The following ACTN2 variants were observed in gnomAD, a reference collection of about 807,000 sequenced individuals.
ACTN2 encodes alpha-actinin-2.
A neutral mutation model predicts 113.8 loss-of-function variants in ACTN2; 39 were observed. The observed-to-expected ratio is 0.34, with a 90% CI of 0.27 to 0.45. The LOEUF is 0.45. ACTN2 is among the 20% of genes least tolerant of loss of function. The pLI is 1.00. For synonymous variants in ACTN2, 429 were observed against 444.1 expected (o/e 0.97, Z 0.43); for missense variants, 992 against 1,177.9 (o/e 0.84, Z 2.31).
chr1:236,752,026 A>G (rs572426292), intron 15 of ACTN2, among the ~76,000 whole-genome samples: 1 of 152,330 alleles, frequency 6.6e-6, no homozygotes, highest in Non-Finnish European at 1.5e-5. Flanking sequence ...AGAATATGAT[A>G]TAGACATGTC....
At chr1:236,688,298 A>C (rs185772060) in intron 1 of ACTN2, among the ~76,000 whole-genome samples, 85 of 152,120 alleles carry the variant, frequency 5.6e-4, no homozygotes, top group Admixed American at 5.6e-3. Context: ...GAGGAATTGT[A>C]AAATAGCTAA....
Position 236,760,892 on chromosome 1 carries a change from C to T in ACTN2, c.2368-123C>T, listed in dbSNP as rs1015285389. 3.4e-5 allele frequency: 42 copies of T among 1,250,754 alleles called. 1 individual carries two copies. The highest frequency in any genetic ancestry group is 8.9e-5 in the African/African-American group (6 of 67,592). The allele number at this position is 1,250,754 out of a possible 1,614,324, so 77.5% of individuals were successfully genotyped here. The stretch of plus-strand genomic sequence containing the variant: ...ATCTTGTCCAAAGACTGAAGGGAAA[C>T]GCAGGTAATAATTCAGTTTTCAGAC... On this transcript the variant is annotated intron_variant, in intron 19 of 20. Transcript: ENST00000366578.
At chr1:236,753,237 T>C (rs905881661) in intron 15 of ACTN2, among the ~76,000 whole-genome samples, 1 of 152,210 alleles carries the variant, frequency 6.6e-6, no homozygotes. Flanking sequence ...CTTATAAAAA[T>C]ATTTAATATT....
rs1659768579 is a variant in ACTN2, at chr1:236,763,512, C to G, written c.*893C>G. ...TTCTGTAGTACTGACTGGTTCATCA[C>G]AAGGCAAGTCAGAAACCAGTATCCT... On this transcript the variant is annotated 3_prime_UTR_variant, in exon 21 of 21. Coordinates refer to ENST00000366578, the MANE Select transcript of ACTN2 (RefSeq NM_001103.4). 1 of 152,298 alleles carries G rather than the reference C, an allele frequency of 6.6e-6. No individual in the cohort carries two copies. Among genetic ancestry groups the G allele is most frequent in the African/African-American group, 2.4e-5 (1 of 41,544 alleles). 9.4% of individuals were successfully genotyped at this position (152,298 alleles called of 1,614,324 possible).
chr1:236,716,096 CTTCTT>C (rs757617853), intron 1 of ACTN2, among the ~76,000 whole-genome samples: 41 of 126,602 alleles, frequency 3.2e-4, no homozygotes, highest in Admixed American at 8.9e-4. Context: ...ATCCCTTCTT[CTTCTT>C]TTTTTTTTTT....
At chr1:236,719,835 A>G (rs1658330587) in intron 3 of ACTN2, among the ~76,000 whole-genome samples, 1 of 152,032 alleles carries the variant, frequency 6.6e-6, no homozygotes. Flanking sequence ...ACATCTTAAA[A>G]CTTTGGAAAC....
Position 236,751,619 on chromosome 1 carries a change from C to T in ACTN2, c.1806C>T (p.Val602=). ...GCTCAAGCAACCCGTACAGCACTGT[C>T]ACCATGGATGAGCTCCGGACCAAGT... ...RISSSNPYST[V]TMDELRTKWD... Residue 602 remains valine (V), a synonymous_variant, in exon 15 of 21, where the codon GTC becomes GTT. Coordinates refer to ENST00000366578, the MANE Select transcript of ACTN2 (RefSeq NM_001103.4). 1 of 1,613,982 alleles carries T rather than the reference C, an allele frequency of 6.2e-7. No individual in the cohort carries two copies.
intron 1 of ACTN2, among the ~76,000 whole-genome samples, chr1:236,699,845 G>A (rs1230758782): frequency 3.6e-4 from 55 of 152,286 alleles, no homozygotes; most frequent in Non-Finnish European, 4.4e-5. Flanking sequence ...GAAAAACCAA[G>A]CTTCATGAAT....
intron 11 of ACTN2, among the ~76,000 whole-genome samples, chr1:236,744,395 T>C (rs1365210105): frequency 6.6e-6 from 1 of 152,200 alleles, no homozygotes; most frequent in Non-Finnish European, 1.5e-5. Context: ...CATGCTCTCC[T>C]TTCCCCTTTA....
chr1:236,734,390 G>T, intron 7 of ACTN2: 1 of 1,388,120 alleles, frequency 7.2e-7, no homozygotes, highest in Non-Finnish European at 9.8e-7. Context: ...AAGCCTGCTG[G>T]TATTAGAACA....
intron 1 of ACTN2, among the ~76,000 whole-genome samples, chr1:236,693,187 A>G (rs1363708554): frequency 9.2e-5 from 4 of 43,460 alleles, no homozygotes; most frequent in East Asian, 1.3e-3. Flanking sequence ...GCACACACAC[A>G]CACACACACA....
chr1:236,749,811 A>G (rs1193804440), intron 14 of ACTN2, among the ~76,000 whole-genome samples: 1 of 152,164 alleles, frequency 6.6e-6, no homozygotes, highest in African/African-American at 2.4e-5. Context: ...AACAACAACA[A>G]CAACAACAAC....
At position 236,712,878 on chromosome 1, in the gene ACTN2, T is replaced by C. The variant is rs957965799; in HGVS notation, c.127-4980T>C. Reference sequence around the variant, plus strand: ...TAAGTAGAATTTAAATTTTAAAAATTTTATAAATGTTTATCTCATTATATG... The same window carrying C: ...TAAGTAGAATTTAAATTTTAAAAATCTTATAAATGTTTATCTCATTATATG... On this transcript the variant is annotated intron_variant, in intron 1 of 20. Transcript: ENST00000366578. Among the ~76,000 whole-genome samples, 5 of 151,166 alleles carry C rather than the reference T, an allele frequency of 3.3e-5. No individual in the cohort carries two copies. The East Asian group carries it at 9.7e-4, about 29-fold the overall frequency.
intron 5 of ACTN2, among the ~76,000 whole-genome samples, chr1:236,727,328 G>C (rs528419411): frequency 1.9e-4 from 29 of 152,266 alleles, no homozygotes; most frequent in Non-Finnish European, 1.5e-5. Flanking sequence ...AGACTCAGGG[G>C]TAAGGGCCAG....
chr1:236,731,106 T>A, intron 6 of ACTN2, 127 bp from the exon 7 acceptor site: 1 of 686,992 alleles, frequency 1.5e-6, no homozygotes, highest in Non-Finnish European at 2.6e-6. Flanking sequence ...AAAAGGAAAG[T>A]TACACTATTA....
chr1:236,749,432 A>G (rs1021182331), intron 14 of ACTN2, among the ~76,000 whole-genome samples, 168 bp downstream of exon 14: 2 of 152,090 alleles, frequency 1.3e-5, no homozygotes, highest in Non-Finnish European at 2.9e-5. Context: ...TGTGTTTAGT[A>G]CTCTGTGTTG....
chr1:236,707,709 C>CTTTTTTTTTTTTTTTT (rs5781919), intron 1 of ACTN2, among the ~76,000 whole-genome samples: 11 of 78,760 alleles, frequency 1.4e-4, no homozygotes, highest in African/African-American at 2.0e-4. Context: ...TCTTTTTTTT[C>CTTTTTTTTTTTTTTTT]TTTTTTTTTT....
At chr1:236,697,068 T>A (rs968336371) in intron 1 of ACTN2, among the ~76,000 whole-genome samples, 2 of 152,214 alleles carry the variant, frequency 1.3e-5, no homozygotes, top group African/African-American at 4.8e-5. Flanking sequence ...TCTTTGGTAT[T>A]CATTTGTAAA....
chr1:236,747,741 G>A lies in ACTN2; in HGVS notation c.1481G>A (p.Gly494Glu). 6.2e-7 allele frequency: 1 copy of A among 1,614,096 alleles called. No homozygotes were observed. The highest frequency in any genetic ancestry group is 8.5e-7 in the Non-Finnish European group (1 of 1,179,956). Residue 494 changes from glycine to glutamate, a missense_variant, in exon 13 of 21, where the codon GGA becomes GAA. Physicochemically the swap from Gly to Glu is moderately conservative, Grantham distance 98. Around this residue, in one of 3 missense-constraint regions of ACTN2, gnomAD observed 736 missense variants for 815.4 expected, o/e 0.90. Transcript: ENST00000366578. ...QKICDQWDRL[G>E]TLTQKRREAL... ...ATTTGTGACCAGTGGGACCGACTGG[G>A]AACGCTTACTCAGAAGAGGAGAGAA...
Sources: gnomAD v4.1 joint callset for allele counts (sites outside exome capture counted in the v4.1 genomes callset) on GRCh38, gnomAD v4.1.1 for gene constraint, gnomAD v4.1.1 regional missense constraint, MANE v1.5 for transcripts, NCBI Gene and HGNC (gene_info 2026-07-23, HGNC 2026-07-21) for gene names.